The following GRIK5 variants were observed in gnomAD, a reference collection of about 807,000 sequenced individuals.
GRIK5 encodes glutamate receptor ionotropic, kainate 5.
In GRIK5, 43 loss-of-function variants were observed where a neutral mutation model predicts 97.4. The ratio of observed to expected loss-of-function variants is 0.44; its 90% confidence interval spans 0.35 to 0.57. GRIK5 has a LOEUF of 0.57. GRIK5 is among the 20% of genes least tolerant of loss of function. GRIK5 has a pLI of 0.01. For synonymous variants in GRIK5, 580 were observed against 583.5 expected (o/e 0.99, Z 0.09); for missense variants, 1,015 against 1,382.0 (o/e 0.73, Z 4.21).
At position 42,065,477 on chromosome 19, in the gene GRIK5, T is replaced by C. The variant is rs1027649918; in HGVS notation, c.80-90A>G. ...TAGACTCCAGGGCTCTAGGGTGAGG[T>C]GGGTATACGGACCAGGGGTCTAGAC... On this transcript the variant is annotated intron_variant, in intron 2 of 19. Coordinates refer to ENST00000593562, the MANE Select transcript of GRIK5 (RefSeq NM_002088.5). This position sits in a 1 kb window ranked among gnomAD's most constrained non-coding sequence, Gnocchi z 5.8. 1 of 1,346,966 alleles carries C rather than the reference T, an allele frequency of 7.4e-7. No individual in the cohort carries two copies. The highest frequency in any genetic ancestry group is 1.4e-5 in the South Asian group (1 of 73,580). 83.4% of individuals were successfully genotyped at this position (1,346,966 alleles called of 1,614,324 possible).
In GRIK5 at chr19:42,069,883, T is replaced by A. The variant is rs532559918; in HGVS notation, c.-693A>T. Among the ~76,000 whole-genome samples, 3 of 149,918 alleles carry A rather than the reference T, an allele frequency of 2.0e-5. No individual in the cohort carries two copies. The highest frequency in any genetic ancestry group is 7.4e-5 in the African/African-American group (3 of 40,772). On this transcript the variant is annotated 5_prime_UTR_variant, in exon 1 of 20. Transcript: ENST00000593562. ...CCCGGGAGTGGAGAGCTGGGGAGGATGGAGAGCTGGGAGACCCGGAGAGGC... is the reference window on the plus strand; with the variant it reads ...CCCGGGAGTGGAGAGCTGGGGAGGAAGGAGAGCTGGGAGACCCGGAGAGGC...
intron 11 of GRIK5, among the ~76,000 whole-genome samples, chr19:42,046,147 G>A (rs62119594): frequency 7.2e-5 from 11 of 152,270 alleles, no homozygotes; most frequent in African/African-American, 2.2e-4. Flanking sequence ...GAAGGGAGAC[G>A]GGGCAGAGCT....
chr19:42,064,897 C>T (rs2076308649), intron 3 of GRIK5, among the ~76,000 whole-genome samples: 1 of 152,230 alleles, frequency 6.6e-6, no homozygotes, highest in South Asian at 2.1e-4. Flanking sequence ...CTGACCCTCG[C>T]CCAAGCCTCC....
chr19:42,034,165 C>A (rs1464113179), intron 12 of GRIK5, among the ~76,000 whole-genome samples: 1 of 152,092 alleles, frequency 6.6e-6, no homozygotes, highest in Non-Finnish European at 1.5e-5. Context: ...AGTTCAAGAC[C>A]AGCCTGGCCA....
intron 12 of GRIK5, among the ~76,000 whole-genome samples, chr19:42,036,201 A>G (rs193073129): frequency 1.3e-5 from 2 of 152,152 alleles, no homozygotes; most frequent in East Asian, 3.9e-4. Flanking sequence ...CTGGGATTAC[A>G]GGTGCACACC....
In GRIK5 at chr19:42,059,532, G is replaced by A. The variant is rs549074814; in HGVS notation, c.509-5C>T. The A allele has an allele frequency of 1.2e-5, 19 of 1,608,750 alleles. No individual in the cohort carries two copies. Among genetic ancestry groups the A allele is most frequent in the Middle Eastern group, 1.7e-4 (1 of 5,986 alleles). On this transcript the variant is annotated splice_polypyrimidine_tract_variant and splice_region_variant and intron_variant, in intron 5 of 19. Transcript: ENST00000593562. ...GTTCCTCCAATCGCAGCAGGCCTGAGGGAGGGGTGGGGCCTTGGGTTGGAG... is the reference window on the plus strand; with the variant it reads ...GTTCCTCCAATCGCAGCAGGCCTGAAGGAGGGGTGGGGCCTTGGGTTGGAG...
rs2076389935 is a variant in GRIK5, at chr19:42,069,315, T to G, written c.-125A>C. On this transcript the variant is annotated 5_prime_UTR_variant, in exon 1 of 20. Transcript: ENST00000593562. Reference sequence around the variant, plus strand: ...CAGCGGGAGGTGCTCTGGCGCTGGGTGGTGGTGGGGCTGGGCGGGGGGAGA... The same window carrying G: ...CAGCGGGAGGTGCTCTGGCGCTGGGGGGTGGTGGGGCTGGGCGGGGGGAGA... The G allele has an allele frequency of 1.4e-5, 2 of 145,292 alleles. No individual in the cohort carries two copies. The highest frequency in any genetic ancestry group is 6.9e-5 in the Admixed American group (1 of 14,572). 9.0% of individuals were successfully genotyped at this position (145,292 alleles called of 1,614,324 possible). A position where few individuals can be genotyped will look rare whatever the true frequency, so the allele number is the denominator to read the frequency against.
chr19:42,035,452 A>C (rs1234700660), intron 12 of GRIK5, among the ~76,000 whole-genome samples: 2 of 152,110 alleles, frequency 1.3e-5, no homozygotes, highest in Non-Finnish European at 2.9e-5. Flanking sequence ...TACGCCTTTA[A>C]TCCCAGCACC....
chr19:42,032,340 T>C (rs1281451791), intron 12 of GRIK5, among the ~76,000 whole-genome samples: 1 of 152,234 alleles, frequency 6.6e-6, no homozygotes, highest in Non-Finnish European at 1.5e-5. Flanking sequence ...CACTGACTGT[T>C]GGCAAGAGTA....
rs1253787486 is a variant in GRIK5, at chr19:42,062,773, G to T, written c.327C>A (p.Ile109=). The part of the protein sequence containing the change: ...SPASASTVSH[I]CGEKEIPHIK... ...CCCATCTCACCTCCTTCTCTCCACA[G>T]ATATGGCTCACGGTGGAGGCAGATG... The change falls in exon 4 of 20, where the codon ATC becomes ATA. Residue 109 remains isoleucine, a synonymous_variant. Coordinates refer to ENST00000593562, the MANE Select transcript of GRIK5 (RefSeq NM_002088.5). This position sits in a 1 kb window ranked among gnomAD's most constrained non-coding sequence, Gnocchi z 5.3. The T allele has an allele frequency of 1.9e-6, 3 of 1,613,806 alleles. No individual in the cohort carries two copies. The East Asian group carries it at 6.7e-5, about 36-fold the overall frequency.
intron 12 of GRIK5, among the ~76,000 whole-genome samples, chr19:42,028,788 C>T (rs1247603499): frequency 6.6e-6 from 1 of 152,248 alleles, no homozygotes; most frequent in African/African-American, 2.4e-5. Context: ...GGGCCAAGTC[C>T]AGCCCATCTG....
At chr19:42,027,808 C>T (rs1383900762) in intron 12 of GRIK5, among the ~76,000 whole-genome samples, 1 of 152,158 alleles carries the variant, frequency 6.6e-6, no homozygotes, top group East Asian at 1.9e-4. Context: ...ACTCACTTTT[C>T]ATTTCTAAAA....
intron 11 of GRIK5, among the ~76,000 whole-genome samples, chr19:42,045,261 A>G (rs574150799): frequency 3.0e-4 from 45 of 152,334 alleles, no homozygotes; most frequent in African/African-American, 1.0e-3. Flanking sequence ...GTTTTGGCCA[A>G]CTGGATGTGG....
chr19:42,044,584 C>A (rs2076020298), intron 11 of GRIK5, among the ~76,000 whole-genome samples: 1 of 152,164 alleles, frequency 6.6e-6, no homozygotes, highest in Non-Finnish European at 1.5e-5. Context: ...GTTGTTTGTA[C>A]AATGTCACTT....
At chr19:42,040,742 T>C (rs1434807646) in intron 12 of GRIK5, among the ~76,000 whole-genome samples, 2 of 152,020 alleles carry the variant, frequency 1.3e-5, no homozygotes, top group East Asian at 3.9e-4. Flanking sequence ...TAATCCCAGC[T>C]ACTCGGAAGG....
rs754936871 is a variant in GRIK5 at position 42,056,982 on chromosome 19, GA to G, written c.688-5del. 6.4e-7 allele frequency: 1 copy of G among 1,552,544 alleles called. No homozygotes were observed. Among genetic ancestry groups the G allele is most frequent in the South Asian group, 1.2e-5 (1 of 84,270 alleles). ...AGGTCATTCCCAGTTCCGAGGCCTG[GA>G]AAACACAGGAGGCAAAGAGGCAGAG... On this transcript the variant is annotated splice_region_variant and splice_polypyrimidine_tract_variant and intron_variant, in intron 6 of 19. Coordinates refer to ENST00000593562, the MANE Select transcript of GRIK5 (RefSeq NM_002088.5).
intron 11 of GRIK5, among the ~76,000 whole-genome samples, chr19:42,050,657 C>CAA (rs1188154896): frequency 8.5e-5 from 5 of 58,684 alleles, no homozygotes; most frequent in Admixed American, 2.0e-4. Context: ...GACTCTGTCT[C>CAA]AAAAAAAAAA....
chr19:42,052,089 C>T (rs2076124232), intron 11 of GRIK5, among the ~76,000 whole-genome samples: 1 of 152,154 alleles, frequency 6.6e-6, no homozygotes, highest in African/African-American at 2.4e-5. Context: ...AGGGCCAGCA[C>T]CATACAGCTT....
chr19:42,059,012 T>C (rs1338460520), intron 6 of GRIK5, among the ~76,000 whole-genome samples: 1 of 152,094 alleles, frequency 6.6e-6, no homozygotes, highest in Non-Finnish European at 1.5e-5. Context: ...ACTCGCTCTC[T>C]GGGCTTGAGC....
Sources: allele counts gnomAD v4.1 joint callset (sites outside exome capture counted in the v4.1 genomes callset), GRCh38; gene constraint gnomAD v4.1.1; non-coding constraint Gnocchi (gnomAD v3.1); transcripts MANE v1.5; gene names NCBI Gene and HGNC (gene_info 2026-07-23, HGNC 2026-07-21).